Variants in DENND4C observed in about 807,000 individuals in gnomAD.
DENND4C encodes DENN domain-containing protein 4C.
Under a neutral mutation model 203.0 loss-of-function variants are expected in DENND4C, and 108 were observed. The observed-to-expected ratio is 0.53, with a 90% CI of 0.46 to 0.62. The LOEUF (loss-of-function observed/expected upper bound fraction) is 0.62, where lower values mean the gene tolerates loss of function less well. Among genes scored for constraint, DENND4C ranks in the 20% least tolerant of loss-of-function variants. DENND4C has a pLI of 0.00. For missense variants in DENND4C, 2,481 were observed against 2,301.2 expected (o/e 1.08, Z -1.60); for synonymous variants, 871 against 792.4 (o/e 1.10, Z -1.67).
intron 1 of DENND4C, among the ~76,000 whole-genome samples, chr9:19,251,629 G>A (rs1350120104): frequency 2.0e-5 from 3 of 152,168 alleles, no homozygotes; most frequent in Non-Finnish European, 4.4e-5. Context: ...ATGCTTTTAA[G>A]AGCACCCAAG....
intron 30 of DENND4C, among the ~76,000 whole-genome samples, chr9:19,365,692 TAC>T (rs949125205): frequency 9.1e-6 from 1 of 109,312 alleles, no homozygotes; most frequent in East Asian, 2.7e-4. Context: ...CATATTATTA[TAC>T]ACACACACCA....
chr9:19,258,117 C>CA (rs1828434695), intron 1 of DENND4C, among the ~76,000 whole-genome samples: 1 of 108,346 alleles, frequency 9.2e-6, no homozygotes, highest in African/African-American at 3.4e-5. Context: ...GACCCTGTCT[C>CA]AAAAAATCAA....
intron 1 of DENND4C, among the ~76,000 whole-genome samples, chr9:19,233,281 G>A (rs1821038234): frequency 6.6e-6 from 1 of 152,146 alleles, no homozygotes; most frequent in South Asian, 2.1e-4. Context: ...TTATACTGGT[G>A]CCATAGATTG....
chr9:19,369,292 A>G (rs1469305630), intron 30 of DENND4C, among the ~76,000 whole-genome samples: 8 of 152,156 alleles, frequency 5.3e-5, no homozygotes, highest in African/African-American at 1.7e-4. Context: ...ATCACATTCC[A>G]GCCTCAGGCA....
At chr9:19,337,625 T>C in intron 20 of DENND4C, 1 of 1,285,746 alleles carries the variant, frequency 7.8e-7, no homozygotes, top group Middle Eastern at 2.1e-4. Context: ...CGTGAAGCTA[T>C]GGATACACGT....
intron 20 of DENND4C, among the ~76,000 whole-genome samples, chr9:19,338,388 CCTT>C (rs1224139987): frequency 6.6e-6 from 1 of 152,126 alleles, no homozygotes; most frequent in Non-Finnish European, 1.5e-5. Flanking sequence ...GCAATTTACT[CCTT>C]TAATGGAAAT....
chr9:19,317,011 A>G (rs1841966814), intron 12 of DENND4C, among the ~76,000 whole-genome samples, 172 bp downstream of exon 12: 1 of 152,116 alleles, frequency 6.6e-6, no homozygotes, highest in Non-Finnish European at 1.5e-5. Context: ...TGTAATTTTT[A>G]TAGCCCATTT....
chr9:19,254,803 A>G (rs1402645800), intron 1 of DENND4C, among the ~76,000 whole-genome samples: 2 of 152,132 alleles, frequency 1.3e-5, no homozygotes, highest in African/African-American at 2.4e-5. Context: ...TGAATGTTAT[A>G]TATATATTTT....
chr9:19,336,971 G>A (rs1454526979), intron 20 of DENND4C, 139 bp downstream of exon 20: 5 of 821,068 alleles, frequency 6.1e-6, no homozygotes, highest in East Asian at 2.7e-5. Flanking sequence ...GAAACAATAC[G>A]AGTCTGCAGA....
At chr9:19,309,126 C>T (rs570593612) in intron 10 of DENND4C, among the ~76,000 whole-genome samples, 1 of 152,114 alleles carries the variant, frequency 6.6e-6, no homozygotes, top group Admixed American at 6.6e-5. Context: ...TAAAAATATT[C>T]TAAAATTGCT....
At chr9:19,238,233 C>G (rs149946659) in intron 1 of DENND4C, among the ~76,000 whole-genome samples, 1 of 151,726 alleles carries the variant, frequency 6.6e-6, no homozygotes, top group Non-Finnish European at 1.5e-5. Context: ...CAGGCATGCA[C>G]CACCATGCCC....
At chr9:19,336,077 T>C (rs1820396923) in intron 18 of DENND4C, among the ~76,000 whole-genome samples, 193 bp from the exon 19 acceptor site, 1 of 152,108 alleles carries the variant, frequency 6.6e-6, no homozygotes, top group African/African-American at 2.4e-5. Context: ...TGATAAGATA[T>C]CTCATTGTAG....
At chr9:19,328,508 G>T (rs1195950591) in intron 16 of DENND4C, among the ~76,000 whole-genome samples, 1 of 152,132 alleles carries the variant, frequency 6.6e-6, no homozygotes, top group African/African-American at 2.4e-5. Flanking sequence ...AGCTACTCGG[G>T]AGGCTAAGGC....
In DENND4C at chr9:19,316,506, A is replaced by G. The variant is rs1405429666; in HGVS notation, c.1577A>G (p.Gln526Arg). ...LLSTLKKLYPQLSSVHQKTQE... is the reference protein window; with the variant it reads ...LLSTLKKLYPRLSSVHQKTQE... ...AGCACCTTAAAGAAATTGTATCCCCAGCTGTCTTCAGGTAATGTGAGGGAA... is the reference window on the plus strand; with the variant it reads ...AGCACCTTAAAGAAATTGTATCCCCGGCTGTCTTCAGGTAATGTGAGGGAA... Residue 526 changes from glutamine to arginine, a missense_variant, in exon 11 of 33, where the codon CAG becomes CGG. Gln to Arg is a conservative substitution (Grantham distance 43, BLOSUM62 1). This residue lies in a region of DENND4C where 2,289 missense variants were observed against 2,113.3 expected (regional missense o/e 1.08). Coordinates refer to ENST00000434457, the MANE Select transcript of DENND4C (RefSeq NM_001330640.2). 3 of 1,613,212 alleles carry G rather than the reference A, an allele frequency of 1.9e-6. No homozygotes were observed. Among genetic ancestry groups the G allele is most frequent in the East Asian group, 2.2e-5 (1 of 44,856 alleles).
intron 2 of DENND4C, among the ~76,000 whole-genome samples, chr9:19,283,887 G>A (rs897596317): frequency 6.6e-6 from 1 of 151,974 alleles, no homozygotes; most frequent in Non-Finnish European, 1.5e-5. Flanking sequence ...GAGCCACTGC[G>A]CCCGCCCAGA....
chr9:19,266,142 G>A (rs1160767228), intron 1 of DENND4C, among the ~76,000 whole-genome samples: 3 of 152,062 alleles, frequency 2.0e-5, no homozygotes, highest in East Asian at 1.9e-4. Context: ...TTTAATGATC[G>A]TCATTCTAAC....
Position 19,347,104 on chromosome 9 carries a change from G to T in DENND4C, c.4317+18G>T. On this transcript the variant is annotated intron_variant, in intron 23 of 32. Transcript: ENST00000434457. The stretch of plus-strand genomic sequence containing the variant: ...ATGATGAGGTAAGAAAGCTTTATGT[G>T]TGTAGTCTGTCTGCTATTGGAGTGT... 1 of 1,595,966 alleles carries T rather than the reference G, an allele frequency of 6.3e-7. No individual in the cohort carries two copies. Among genetic ancestry groups the T allele is most frequent in the Non-Finnish European group, 8.6e-7 (1 of 1,166,918 alleles).
Position 19,244,979 on chromosome 9 carries a change from A to C in DENND4C, c.-18+14146A>C, listed in dbSNP as rs1430177200. On this transcript the variant is annotated intron_variant, in intron 1 of 32. Coordinates refer to ENST00000434457, the MANE Select transcript of DENND4C (RefSeq NM_001330640.2). ...ATTCATATCAAGAATAATAGAAAAA[A>C]ACTTTATTAGAAGTTCTTCAGTTTG... 2.6e-5 allele frequency among the ~76,000 whole-genome samples: 4 copies of C among 152,154 alleles called. 1 individual carries two copies. Among genetic ancestry groups the C allele is most frequent in the Non-Finnish European group, 5.9e-5 (4 of 68,022 alleles).
At chr9:19,331,487 C>T (rs1294114024) in intron 16 of DENND4C, among the ~76,000 whole-genome samples, 1 of 152,154 alleles carries the variant, frequency 6.6e-6, no homozygotes, top group Non-Finnish European at 1.5e-5. Flanking sequence ...AGGCATAAGC[C>T]ACTGCACCTG....
Sources: gnomAD v4.1 joint callset for allele counts (sites outside exome capture counted in the v4.1 genomes callset) on GRCh38, gnomAD v4.1.1 for gene constraint, gnomAD v4.1.1 regional missense constraint, MANE v1.5 for transcripts, NCBI Gene and HGNC (gene_info 2026-07-23, HGNC 2026-07-21) for gene names.